Variants in GABBR2 observed in about 807,000 individuals in gnomAD.
GABBR2 encodes G-protein coupled receptor 51.
GABBR2 carries 23 observed loss-of-function variants against 105.6 expected under a neutral mutation model. The observed-to-expected ratio is 0.22, with a 90% CI of 0.16 to 0.31. GABBR2 has a LOEUF of 0.31. Among genes scored for constraint, GABBR2 ranks in the 10% least tolerant of loss-of-function variants. The pLI is 1.00. For synonymous variants in GABBR2, 478 were observed against 499.7 expected, an observed-to-expected ratio of 0.96 and a Z score of 0.58; for missense variants, 734 against 1,245.5, an observed-to-expected ratio of 0.59 and a Z score of 6.18.
intron 3 of GABBR2, among the ~76,000 whole-genome samples, chr9:98,501,581 G>A (rs1827401268): frequency 6.6e-6 from 1 of 152,102 alleles, no homozygotes; most frequent in African/African-American, 2.4e-5. Flanking sequence ...CTTTATCAGG[G>A]TAGCAGCAAA....
chr9:98,451,205 C>A (rs1293441217), intron 7 of GABBR2, among the ~76,000 whole-genome samples: 1 of 152,088 alleles, frequency 6.6e-6, no homozygotes, highest in African/African-American at 2.4e-5. Flanking sequence ...GAGAGGGCTG[C>A]AGGAAGAGGG....
chr9:98,649,543 G>A (rs150663191), intron 1 of GABBR2, among the ~76,000 whole-genome samples: 174 of 152,276 alleles, frequency 1.1e-3, no homozygotes, highest in African/African-American at 3.9e-3. Flanking sequence ...ACCCAAAATT[G>A]ACTGCAGCGG....
In GABBR2 at chr9:98,306,506, C is replaced by G; in HGVS notation, c.2005-161G>C. 1.6e-6 allele frequency: 1 copy of G among 637,488 alleles called. No homozygotes were observed. Among genetic ancestry groups the G allele is most frequent in the Non-Finnish European group, 2.8e-6 (1 of 352,466 alleles). The allele number at this position is 637,488 out of a possible 1,614,324, so 39.5% of individuals were successfully genotyped here. A position where few individuals can be genotyped will look rare whatever the true frequency, so the allele number is the denominator to read the frequency against. Reference sequence around the variant, plus strand: ...AGCCGGGTCTTCTGGATGTCACCATCTGTCCCCACTTGTGGCCCTGCTGAG... The same window carrying G: ...AGCCGGGTCTTCTGGATGTCACCATGTGTCCCCACTTGTGGCCCTGCTGAG... On this transcript the variant is annotated intron_variant, in intron 14 of 18. Coordinates refer to ENST00000259455, the MANE Select transcript of GABBR2 (RefSeq NM_005458.8). The surrounding 1 kb of genome is among the most constrained non-coding windows in gnomAD (Gnocchi z 5.4).
chr9:98,481,148 C>T, intron 4 of GABBR2, 151 bp from the exon 5 acceptor site: 1 of 642,600 alleles, frequency 1.6e-6, no homozygotes. Context: ...CACCCCCAAC[C>T]CCAGCCCAGC....
intron 7 of GABBR2, among the ~76,000 whole-genome samples, chr9:98,448,918 TTA>T (rs1491293188): frequency 1.2e-3 from 138 of 111,700 alleles, no homozygotes; most frequent in Non-Finnish European, 2.3e-3. Context: ...TGGAAAGAGT[TTA>T]AAAAAAAAAA....
chr9:98,571,110 G>A lies in GABBR2; in HGVS notation c.459+6825C>T, dbSNP rs537452745. Reference sequence around the variant, plus strand: ...ACCCTGGGAGGGATGTGCAGGTCAGGTCAGGAAGCACAGGGGAGGCCATGG... The same window carrying A: ...ACCCTGGGAGGGATGTGCAGGTCAGATCAGGAAGCACAGGGGAGGCCATGG... On this transcript the variant is annotated intron_variant, in intron 2 of 18. Transcript: ENST00000259455. Among the ~76,000 whole-genome samples, 3 of 152,212 alleles carry A rather than the reference G, an allele frequency of 2.0e-5. No individual in the cohort carries two copies. The South Asian group carries it at 6.2e-4, about 31-fold the overall frequency.
At chr9:98,357,731 A>G (rs1489833591) in intron 13 of GABBR2, among the ~76,000 whole-genome samples, 2 of 152,190 alleles carry the variant, frequency 1.3e-5, no homozygotes, top group Non-Finnish European at 2.9e-5. Flanking sequence ...TATAATGTAT[A>G]TGTACAATTT....
intron 2 of GABBR2, among the ~76,000 whole-genome samples, chr9:98,553,834 C>T (rs1828535322): frequency 1.3e-5 from 2 of 152,200 alleles, no homozygotes; most frequent in Admixed American, 6.5e-5. Flanking sequence ...CCGCAAGCAA[C>T]TGGCAGAGCA....
Position 98,444,879 on chromosome 9 carries a change from G to GCGCACACACACACA in GABBR2, c.1236+9101_1236+9102insTGTGTGTGTGTGCG, listed in dbSNP as rs939018102. Among the ~76,000 whole-genome samples, 254 of 151,040 alleles carry GCGCACACACACACA rather than the reference G, an allele frequency of 1.7e-3. 8 individuals carry two copies. In the East Asian group the frequency reaches 0.039, roughly 23 times the overall value. On this transcript the variant is annotated intron_variant, in intron 7 of 18. Transcript: ENST00000259455. ...CATGCATATGCACATGCGCGCGCGCGCACACACACACACACACACACGCAC... is the reference window on the plus strand; with the variant it reads ...CATGCATATGCACATGCGCGCGCGCGCGCACACACACACACACACACACACACACACACACGCAC...
intron 1 of GABBR2, among the ~76,000 whole-genome samples, chr9:98,668,333 C>T (rs1264721531): frequency 6.6e-6 from 1 of 152,194 alleles, no homozygotes; most frequent in South Asian, 2.1e-4. Context: ...CCCTTGGTAT[C>T]ATGCTTAGGC....
chr9:98,459,050 C>T (rs1588172123), intron 6 of GABBR2, among the ~76,000 whole-genome samples: 1 of 152,302 alleles, frequency 6.6e-6, no homozygotes, highest in Non-Finnish European at 1.5e-5. Context: ...CTCCCTGAAA[C>T]TTGTATTCGC....
At chr9:98,614,374 A>G (rs142852076) in intron 1 of GABBR2, among the ~76,000 whole-genome samples, 2 of 152,106 alleles carry the variant, frequency 1.3e-5, no homozygotes, top group Non-Finnish European at 2.9e-5. Flanking sequence ...TAATACAAAA[A>G]TTAGCTGGGC....
chr9:98,705,688 A>G lies in GABBR2; in HGVS notation c.321+2729T>C, dbSNP rs141095828. On this transcript the variant is annotated intron_variant, in intron 1 of 18. Transcript: ENST00000259455. ...TTTAGATCGCTCTAGATTTTGCTGC[A>G]AATTACCTAGACTGATCCTTCCTTC... Among the ~76,000 whole-genome samples, 195 of 152,372 alleles carry G rather than the reference A, an allele frequency of 1.3e-3. 3 individuals carry two copies. The highest frequency in any genetic ancestry group is 0.011 in the Admixed American group (166 of 15,306).
At chr9:98,606,638 G>T (rs1829426562) in intron 1 of GABBR2, among the ~76,000 whole-genome samples, 1 of 151,770 alleles carries the variant, frequency 6.6e-6, no homozygotes, top group South Asian at 2.1e-4. Context: ...GTGCCAACAT[G>T]CCCGGTCGAT....
intron 8 of GABBR2, among the ~76,000 whole-genome samples, chr9:98,403,752 A>G (rs527624809): frequency 1.4e-5 from 2 of 143,922 alleles, no homozygotes; most frequent in Non-Finnish European, 3.0e-5. Flanking sequence ...CTGAGAAAAA[A>G]AAAAATATAT....
intron 7 of GABBR2, among the ~76,000 whole-genome samples, chr9:98,423,941 CT>C (rs751097130): frequency 6.6e-6 from 1 of 152,154 alleles, no homozygotes; most frequent in Non-Finnish European, 1.5e-5. Flanking sequence ...TTTCTGAGGG[CT>C]CCGTTCTGTT....
intron 7 of GABBR2, among the ~76,000 whole-genome samples, chr9:98,412,092 CCTCT>C (rs954363771): frequency 1.3e-4 from 20 of 152,374 alleles, no homozygotes; most frequent in African/African-American, 4.1e-4. Context: ...TTTGTTGGGG[CCTCT>C]CTTTTTTCCT....
intron 11 of GABBR2, among the ~76,000 whole-genome samples, chr9:98,374,705 G>A (rs917731653): frequency 6.6e-6 from 1 of 152,194 alleles, no homozygotes; most frequent in African/African-American, 2.4e-5. Context: ...ATTGCTGGGG[G>A]ACTTAAGCGT....
intron 3 of GABBR2, among the ~76,000 whole-genome samples, chr9:98,523,412 A>T (rs1301938259): frequency 6.6e-6 from 1 of 152,198 alleles, no homozygotes; most frequent in Non-Finnish European, 1.5e-5. Context: ...AAAGATGAGT[A>T]ATCTTTAAAG....
Sources: gnomAD v4.1 joint callset for allele counts (sites outside exome capture counted in the v4.1 genomes callset) on GRCh38, gnomAD v4.1.1 for gene constraint, Gnocchi (gnomAD v3.1) non-coding constraint, MANE v1.5 for transcripts, NCBI Gene and HGNC (gene_info 2026-07-23, HGNC 2026-07-21) for gene names.